PATJ: variants seen among roughly 807,000 people sequenced by gnomAD.
PATJ encodes the protein inaD-like protein.
In PATJ, 190 loss-of-function variants were observed where a neutral mutation model predicts 224.9. The observed-to-expected ratio is 0.84, with a 90% CI of 0.75 to 0.95. The LOEUF is 0.95. PATJ is among the 40% of genes least tolerant of loss of function. The probability of loss-of-function intolerance (pLI) is 0.00; values close to 1 mark genes in which losing one functional copy is unlikely to be tolerated. For missense variants in PATJ, 2,121 were observed against 2,270.3 expected, an observed-to-expected ratio of 0.93 and a Z score of 1.34; for synonymous variants, 769 against 820.3, an observed-to-expected ratio of 0.94 and a Z score of 1.07.
At position 62,084,560 on chromosome 1, in the gene PATJ, T is replaced by C. The variant is rs1262719849; in HGVS notation, c.4289T>C (p.Ile1430Thr). ...PLSVDPATCP[I>T]VPGQEMIIEI... ...TCAGTGGACCCCGCAACGTGTCCCA[T>C]TGTCCCTGGACAGGAAATGATTATA... is the stretch of plus-strand genomic sequence containing the variant. Residue 1430 changes from isoleucine (I) to threonine (T), a missense_variant, in exon 33 of 44, where the codon ATT (isoleucine) becomes ACT (threonine). Coordinates refer to ENST00000642238, the MANE Select transcript of PATJ (RefSeq NM_001350145.3). 3.1e-6 allele frequency: 5 copies of C among 1,613,264 alleles called. No individual in the cohort carries two copies. Among genetic ancestry groups the C allele is most frequent in the Non-Finnish European group, 4.2e-6 (5 of 1,179,758 alleles).
chr1:62,073,028 T>C, intron 31 of PATJ: 1 of 985,344 alleles, frequency 1.0e-6, no homozygotes, highest in East Asian at 1.1e-4. Flanking sequence ...CAGGAAGACA[T>C]GTCCCAGGTG....
intron 22 of PATJ, among the ~76,000 whole-genome samples, chr1:61,898,772 C>T (rs996978697): frequency 6.6e-6 from 1 of 152,148 alleles, no homozygotes; most frequent in Non-Finnish European, 1.5e-5. Context: ...CAGCATTTTA[C>T]GTTATCCAGT....
At chr1:61,852,880 G>A (rs1663058474) in intron 17 of PATJ, among the ~76,000 whole-genome samples, 1 of 152,122 alleles carries the variant, frequency 6.6e-6, no homozygotes, top group South Asian at 2.1e-4. Context: ...GGAAATGACT[G>A]TTACTCATTA....
At chr1:61,756,460 C>T (rs1429342677) in intron 1 of PATJ, among the ~76,000 whole-genome samples, 2 of 151,432 alleles carry the variant, frequency 1.3e-5, no homozygotes, top group African/African-American at 4.9e-5. Flanking sequence ...GAGCGGGACT[C>T]TGCAATTTGT....
At chr1:61,784,213 A>C (rs2148463628) in intron 7 of PATJ, among the ~76,000 whole-genome samples, 1 of 152,362 alleles carries the variant, frequency 6.6e-6, no homozygotes, top group Non-Finnish European at 1.5e-5. Context: ...ATGTTTGATT[A>C]GCACGCTACG....
chr1:61,980,437 T>TTGTGTGTGTG (rs148389720), intron 27 of PATJ, among the ~76,000 whole-genome samples: 22 of 129,738 alleles, frequency 1.7e-4, no homozygotes, highest in African/African-American at 3.6e-4. Flanking sequence ...CTTATATAAT[T>TTGTGTGTGTG]TGTGTGTGTG....
intron 15 of PATJ, among the ~76,000 whole-genome samples, chr1:61,825,791 G>T (rs1245021514): frequency 1.3e-5 from 2 of 152,182 alleles, no homozygotes; most frequent in Non-Finnish European, 2.9e-5. Context: ...AACCTGAAAA[G>T]TGACTTTCTA....
intron 22 of PATJ, among the ~76,000 whole-genome samples, chr1:61,897,303 G>A (rs140701904): frequency 1.4e-4 from 22 of 152,296 alleles, no homozygotes; most frequent in African/African-American, 5.1e-4. Context: ...TACTTGAATT[G>A]GTGGAATTGT....
intron 14 of PATJ, chr1:61,816,523 TA>T (rs1019929874): frequency 6.6e-6 from 1 of 152,100 alleles, no homozygotes; most frequent in Non-Finnish European, 1.5e-5. Context: ...CCAGAACTAT[TA>T]AAAAATAAAT....
At chr1:62,156,417 C>G (rs950319896) in intron 43 of PATJ, among the ~76,000 whole-genome samples, 1 of 151,868 alleles carries the variant, frequency 6.6e-6, no homozygotes, top group African/African-American at 2.4e-5. Flanking sequence ...GTAATCCCAG[C>G]TACTCGGGAG....
At chr1:62,124,146 A>G (rs2476193) in intron 39 of PATJ, among the ~76,000 whole-genome samples, 68,099 of 151,706 alleles carry the variant, frequency 0.45, 17,336 homozygotes, top group Non-Finnish European at 0.58. Flanking sequence ...GCAGTGGTGC[A>G]ATCTCAACTC....
chr1:61,869,150 A>C (rs554981249), intron 20 of PATJ, among the ~76,000 whole-genome samples: 6 of 129,294 alleles, frequency 4.6e-5, no homozygotes, highest in Non-Finnish European at 9.4e-5. Flanking sequence ...TCTGTCGCCC[A>C]GGCTGGAGTG....
chr1:61,819,572 G>A (rs377319598), intron 14 of PATJ, among the ~76,000 whole-genome samples: 1 of 143,266 alleles, frequency 7.0e-6, no homozygotes, highest in Non-Finnish European at 1.5e-5. Flanking sequence ...TGGTATGCTG[G>A]TAAGTTTCTA....
chr1:61,946,660 C>T (rs989549178), intron 27 of PATJ, among the ~76,000 whole-genome samples: 5 of 152,182 alleles, frequency 3.3e-5, no homozygotes, highest in Non-Finnish European at 4.4e-5. Context: ...TCCTACCATT[C>T]CTTCTGAAAC....
chr1:62,048,628 C>T (rs957308255), intron 30 of PATJ, among the ~76,000 whole-genome samples: 28 of 147,620 alleles, frequency 1.9e-4, no homozygotes, highest in Admixed American at 1.8e-3. Flanking sequence ...CAAAAGTTAA[C>T]TGTACCTGGT....
intron 24 of PATJ, among the ~76,000 whole-genome samples, chr1:61,904,610 A>G (rs1208671064): frequency 6.6e-6 from 1 of 152,232 alleles, no homozygotes; most frequent in Non-Finnish European, 1.5e-5. Flanking sequence ...AACTGCTATG[A>G]AGAAATACCT....
chr1:61,989,421 C>A (rs920632957), intron 27 of PATJ, among the ~76,000 whole-genome samples: 4 of 152,064 alleles, frequency 2.6e-5, no homozygotes, highest in South Asian at 2.1e-4. Context: ...GAGAGCTAAA[C>A]CAACACCCTT....
At chr1:61,855,197 G>GGC (rs1324893300) in intron 17 of PATJ, among the ~76,000 whole-genome samples, 1 of 152,066 alleles carries the variant, frequency 6.6e-6, no homozygotes, top group Non-Finnish European at 1.5e-5. Context: ...GTAACAGACA[G>GGC]GCTTATCTTT....
chr1:62,044,210 T>C (rs1652077466), intron 30 of PATJ, among the ~76,000 whole-genome samples: 1 of 152,212 alleles, frequency 6.6e-6, no homozygotes, highest in African/African-American at 2.4e-5. Flanking sequence ...GTACAACAGA[T>C]CTCTAGAACT....
Sources: gnomAD v4.1 joint callset for allele counts (sites outside exome capture counted in the v4.1 genomes callset) on GRCh38, gnomAD v4.1.1 for gene constraint, MANE v1.5 for transcripts, NCBI Gene and HGNC (gene_info 2026-07-23, HGNC 2026-07-21) for gene names.